The following ADARB2 variants were observed in gnomAD, a reference collection of about 807,000 sequenced individuals.
ADARB2 encodes the protein inactive double-stranded RNA-specific editase B2.
In ADARB2, 25 loss-of-function variants were observed where a neutral mutation model predicts 62.2. The ratio of observed to expected loss-of-function variants is 0.40; its 90% CI spans 0.29 to 0.56. The LOEUF is 0.56. Ranked by LOEUF, ADARB2 falls within the 20% of genes least tolerant of loss-of-function variation. The pLI is 0.43. For missense variants in ADARB2, 1,071 were observed against 1,077.4 expected (o/e 0.99, Z 0.08); for synonymous variants, 572 against 500.8 (o/e 1.14, Z -1.90).
chr10:1,626,641 G>A (rs1005076570), intron 1 of ADARB2, among the ~76,000 whole-genome samples: 10 of 152,036 alleles, frequency 6.6e-5, no homozygotes, highest in South Asian at 2.1e-4. Context: ...TGATATTTCC[G>A]GGCTGCCCCC....
At chr10:1,208,079 AG>A (rs146817651) in intron 7 of ADARB2, among the ~76,000 whole-genome samples, 1 of 152,348 alleles carries the variant, frequency 6.6e-6, no homozygotes, top group East Asian at 1.9e-4. Flanking sequence ...GTGGCTTTGC[AG>A]GTCAATTCTT....
At chr10:1,345,137 T>G (rs1025566531) in intron 3 of ADARB2, among the ~76,000 whole-genome samples, 17 of 151,268 alleles carry the variant, frequency 1.1e-4, no homozygotes, top group African/African-American at 3.9e-4. Flanking sequence ...CGCCGCAGCC[T>G]GGGGGGTGAG....
intron 3 of ADARB2, chr10:1,290,528 C>T (rs962618066): frequency 1.1e-4 from 17 of 152,252 alleles, no homozygotes; most frequent in African/African-American, 4.1e-4. Flanking sequence ...AAATCCCTAT[C>T]CCTATGTTTA....
At chr10:1,728,241 A>G (rs1474526461) in intron 1 of ADARB2, among the ~76,000 whole-genome samples, 1 of 152,230 alleles carries the variant, frequency 6.6e-6, no homozygotes, top group African/African-American at 2.4e-5. Flanking sequence ...GGGAGACTTT[A>G]AACAATGATG....
At position 1,209,899 on chromosome 10, in the gene ADARB2, C is replaced by T. The variant is rs144652965; in HGVS notation, c.1682+7052G>A. On this transcript the variant is annotated intron_variant, in intron 7 of 9. Coordinates refer to ENST00000381312, the MANE Select transcript of ADARB2 (RefSeq NM_018702.4). The stretch of plus-strand genomic sequence containing the variant: ...CAAAAGGTTTCTCCACAATGTTTTA[C>T]GGCTCATTCTAAGCCACTGGAAAAA... Among the ~76,000 whole-genome samples, 44 of 152,334 alleles carry T rather than the reference C, an allele frequency of 2.9e-4. No individual in the cohort carries two copies. The East Asian group carries it at 3.1e-3, about 11-fold the overall frequency.
At chr10:1,652,887 G>T (rs1263927981) in intron 1 of ADARB2, among the ~76,000 whole-genome samples, 3 of 152,118 alleles carry the variant, frequency 2.0e-5, no homozygotes, top group Admixed American at 6.5e-5. Flanking sequence ...GTGATGGAAG[G>T]GTGCGTGTGT....
At chr10:1,211,486 C>T (rs1837151088) in intron 7 of ADARB2, among the ~76,000 whole-genome samples, 1 of 152,214 alleles carries the variant, frequency 6.6e-6, no homozygotes, top group Middle Eastern at 3.2e-3. Context: ...AAGGTCCCCA[C>T]CTGCCAGAAG....
At chr10:1,496,323 G>A (rs1229753127) in intron 1 of ADARB2, among the ~76,000 whole-genome samples, 1 of 134,798 alleles carries the variant, frequency 7.4e-6, no homozygotes, top group Non-Finnish European at 1.7e-5. Flanking sequence ...ATCATCATTA[G>A]TATCAACATC....
intron 1 of ADARB2, among the ~76,000 whole-genome samples, chr10:1,637,308 G>A (rs1335692240): frequency 6.6e-6 from 1 of 152,194 alleles, no homozygotes; most frequent in African/African-American, 2.4e-5. Context: ...GGAAGGAGCA[G>A]CGTTGCCTGT....
chr10:1,309,281 A>T (rs553663243), intron 3 of ADARB2, among the ~76,000 whole-genome samples: 4 of 152,368 alleles, frequency 2.6e-5, no homozygotes, highest in Admixed American at 6.5e-5. Context: ...GGACAGTGTA[A>T]GATTGCCTCT....
intron 1 of ADARB2, among the ~76,000 whole-genome samples, chr10:1,675,760 C>T (rs556885998): frequency 1.2e-4 from 19 of 152,154 alleles, no homozygotes; most frequent in African/African-American, 3.6e-4. Flanking sequence ...GCTAGTTACT[C>T]AGTCTCTGAG....
chr10:1,427,221 A>G (rs1832899874), intron 1 of ADARB2, among the ~76,000 whole-genome samples: 1 of 152,244 alleles, frequency 6.6e-6, no homozygotes, highest in South Asian at 2.1e-4. Context: ...GAGAAAATGC[A>G]GACATCAGAC....
At chr10:1,430,252 A>T (rs1830766044) in intron 1 of ADARB2, among the ~76,000 whole-genome samples, 1 of 152,242 alleles carries the variant, frequency 6.6e-6, no homozygotes, top group Admixed American at 6.5e-5. Flanking sequence ...CAAATACTAA[A>T]AAATTGTGAA....
chr10:1,563,754 A>T (rs1832820182), intron 1 of ADARB2, among the ~76,000 whole-genome samples: 1 of 144,966 alleles, frequency 6.9e-6, no homozygotes, highest in Non-Finnish European at 1.5e-5. Flanking sequence ...AGCATTAGGT[A>T]TATCTCCCAG....
intron 3 of ADARB2, among the ~76,000 whole-genome samples, chr10:1,318,463 T>C (rs530524968): frequency 1.3e-5 from 2 of 152,304 alleles, no homozygotes; most frequent in Non-Finnish European, 2.9e-5. Context: ...AAACAAGCAG[T>C]ACCATTTGCA....
In ADARB2 at chr10:1,283,962, G is replaced by GA. The variant is rs1332983271; in HGVS notation, c.1078-12894dup. Among the ~76,000 whole-genome samples, 3 of 152,324 alleles carry GA rather than the reference G, an allele frequency of 2.0e-5. No individual in the cohort carries two copies. In the East Asian group the frequency reaches 5.8e-4, roughly 29 times the overall value. On this transcript the variant is annotated intron_variant, in intron 3 of 9. Transcript: ENST00000381312. ...CAGAGGTGGAAACATTTGTTTTTGG[G>GA]ATAAGAACAAAGAGTAGATCAGTCT...
intron 8 of ADARB2, chr10:1,186,533 G>A (rs774030978): frequency 7.9e-5 from 41 of 518,918 alleles, no homozygotes; most frequent in Admixed American, 4.7e-4. Flanking sequence ...AGCTGGCCGG[G>A]TGTCTCCCTC....
At chr10:1,328,996 T>TAAAAAAAAAAAAA (rs376461606) in intron 3 of ADARB2, among the ~76,000 whole-genome samples, 2 of 75,676 alleles carry the variant, frequency 2.6e-5, no homozygotes, top group African/African-American at 5.8e-5. Flanking sequence ...GACCCTGTCT[T>TAAAAAAAAAAAAA]AAAAAAAAAA....
chr10:1,657,723 C>A (rs1272164798), intron 1 of ADARB2, among the ~76,000 whole-genome samples: 1 of 152,172 alleles, frequency 6.6e-6, no homozygotes, highest in Admixed American at 6.5e-5. Flanking sequence ...AATCCGAGAG[C>A]CAGGGGCCAT....
Sources: allele counts gnomAD v4.1 joint callset (sites outside exome capture counted in the v4.1 genomes callset), GRCh38; gene constraint gnomAD v4.1.1; transcripts MANE v1.5; gene names NCBI Gene and HGNC (gene_info 2026-07-23, HGNC 2026-07-21).